Variants in DPP6 observed in about 807,000 individuals in gnomAD.
DPP6 encodes dipeptidyl peptidase like 6, also known as A-type potassium channel modulatory protein DPP6.
DPP6 carries 69 observed loss-of-function variants against 122.6 expected under a neutral mutation model. That is an observed-to-expected ratio of 0.56 (90% CI 0.46 to 0.69). The LOEUF (loss-of-function observed/expected upper bound fraction) is 0.69. DPP6 is among the 30% of genes least tolerant of loss of function. The probability of loss-of-function intolerance (pLI) is 0.00; values close to 1 mark genes in which losing one functional copy is unlikely to be tolerated. For missense variants in DPP6, 928 were observed against 1,116.9 expected (o/e 0.83, Z 2.41); for synonymous variants, 418 against 433.1 (o/e 0.97, Z 0.43).
At chr7:154,674,796 C>T (rs780388187) in intron 7 of DPP6, among the ~76,000 whole-genome samples, 15 of 152,094 alleles carry the variant, frequency 9.9e-5, no homozygotes, top group Non-Finnish European at 1.6e-4. Context: ...GATAGCGTTC[C>T]CCAAAGGAGC....
chr7:154,325,757 A>G (rs1808392853), intron 1 of DPP6, among the ~76,000 whole-genome samples: 1 of 152,238 alleles, frequency 6.6e-6, no homozygotes, highest in Non-Finnish European at 1.5e-5. Context: ...CATATGATTA[A>G]TAATCAGAGG....
intron 3 of DPP6, among the ~76,000 whole-genome samples, chr7:154,511,418 T>C (rs995377194): frequency 6.6e-6 from 1 of 152,176 alleles, no homozygotes; most frequent in African/African-American, 2.4e-5. Context: ...GCCCACGCCA[T>C]GTGTTTGAGA....
chr7:154,466,002 T>C (rs1821748638), intron 2 of DPP6, among the ~76,000 whole-genome samples: 1 of 152,190 alleles, frequency 6.6e-6, no homozygotes, highest in African/African-American at 2.4e-5. Flanking sequence ...GTGGCACATA[T>C]ATACCATGGA....
At chr7:153,759,432 C>T in the DPP6 span, among the ~76,000 whole-genome samples, 586 of 152,074 alleles carry the variant, frequency 3.9e-3, 4 homozygotes, top group African/African-American at 0.013. Context: ...GATCCTGAAA[C>T]TGCCTCAGCC....
At position 154,021,506 on chromosome 7, in the gene DPP6, C is replaced by A. The variant is rs1243308713; in HGVS notation, c.51+133772C>A. Among the ~76,000 whole-genome samples the A allele has an allele frequency of 2.6e-5, 4 of 152,154 alleles. No homozygotes were observed. In the East Asian group the frequency reaches 7.7e-4, roughly 29 times the overall value. ...GTAAGAGACCTGGCACTTCCAGAAT[C>A]CTTTCCAGCCTACAACCATTTTCAC... On this transcript the variant is annotated intron_variant, in intron 1 of 25. Transcript: ENST00000404039.
intron 16 of DPP6, among the ~76,000 whole-genome samples, chr7:154,814,354 T>C (rs1332618878): frequency 1.3e-5 from 2 of 152,118 alleles, no homozygotes; most frequent in African/African-American, 4.8e-5. Context: ...CCCTATACAT[T>C]CTCCAAGACT....
intron 1 of DPP6, among the ~76,000 whole-genome samples, chr7:154,265,713 T>C (rs1803376327): frequency 6.6e-6 from 1 of 152,168 alleles, no homozygotes; most frequent in Non-Finnish European, 1.5e-5. Context: ...TAGAGGGAGA[T>C]GAGGAAAAGA....
intron 6 of DPP6, among the ~76,000 whole-genome samples, chr7:154,644,706 CTTT>C (rs5888584): frequency 1.1e-3 from 147 of 129,928 alleles, no homozygotes; most frequent in African/African-American, 2.5e-3. Flanking sequence ...CTTAAAATGG[CTTT>C]TTTTTTTTTT....
At chr7:154,014,486 C>T (rs1015479188) in intron 1 of DPP6, among the ~76,000 whole-genome samples, 1 of 150,980 alleles carries the variant, frequency 6.6e-6, no homozygotes, top group African/African-American at 2.4e-5. Context: ...GAAACCCCAG[C>T]TCTACTAAAA....
intron 1 of DPP6, among the ~76,000 whole-genome samples, chr7:154,252,780 C>T (rs1802431403): frequency 6.6e-6 from 1 of 152,228 alleles, no homozygotes; most frequent in Admixed American, 6.5e-5. Flanking sequence ...GCCAATTTCA[C>T]TGCCCCATGG....
chr7:154,254,071 C>T (rs570115095), intron 1 of DPP6, among the ~76,000 whole-genome samples: 16 of 152,338 alleles, frequency 1.1e-4, no homozygotes, highest in African/African-American at 3.4e-4. Context: ...CCTCTTCTAA[C>T]GCATAGGGAT....
chr7:154,060,265 C>T (rs1398384256), intron 1 of DPP6, among the ~76,000 whole-genome samples: 10 of 130,494 alleles, frequency 7.7e-5, no homozygotes, highest in African/African-American at 1.8e-4. Flanking sequence ...AGGCACCCCC[C>T]GCGAGGCAGG....
At chr7:153,863,197 A>G in the DPP6 span, among the ~76,000 whole-genome samples, 16 of 152,196 alleles carry the variant, frequency 1.1e-4, no homozygotes, top group Non-Finnish European at 1.5e-5. Flanking sequence ...AGCAAAACAT[A>G]AAAACCTTGT....
At chr7:154,239,894 A>G (rs1415967927) in intron 1 of DPP6, among the ~76,000 whole-genome samples, 2 of 150,168 alleles carry the variant, frequency 1.3e-5, no homozygotes, top group African/African-American at 4.9e-5. Context: ...GAGGTGGCTG[A>G]GGCAGGAGAA....
At chr7:154,599,790 G>A (rs1833325986) in intron 5 of DPP6, among the ~76,000 whole-genome samples, 1 of 151,698 alleles carries the variant, frequency 6.6e-6, no homozygotes, top group African/African-American at 2.4e-5. Flanking sequence ...CTGTTCTTGC[G>A]ATAGTTTGCT....
chr7:154,288,036 C>T (rs1199284100), intron 1 of DPP6, among the ~76,000 whole-genome samples: 6 of 152,172 alleles, frequency 3.9e-5, no homozygotes, highest in East Asian at 1.9e-4. Context: ...GTCCCCCTAC[C>T]GAGGGGTGCC....
chr7:154,827,556 CAG>C (rs1009833463), intron 16 of DPP6, among the ~76,000 whole-genome samples: 275 of 152,062 alleles, frequency 1.8e-3, no homozygotes, highest in African/African-American at 6.0e-3. Flanking sequence ...CGTGGGAAAT[CAG>C]AGCCTAAGAG....
chr7:154,116,433 A>G (rs1264897258), intron 1 of DPP6, among the ~76,000 whole-genome samples: 4 of 152,228 alleles, frequency 2.6e-5, no homozygotes, highest in African/African-American at 7.2e-5. Context: ...TTACTGCACA[A>G]TGGCTTTTAC....
intron 5 of DPP6, among the ~76,000 whole-genome samples, chr7:154,581,693 C>T (rs930934526): frequency 9.9e-5 from 15 of 152,234 alleles, no homozygotes; most frequent in Admixed American, 3.3e-4. Context: ...ATGTCTAATG[C>T]AGCAAAGAAA....
Sources: allele counts gnomAD v4.1 joint callset (sites outside exome capture counted in the v4.1 genomes callset), GRCh38; gene constraint gnomAD v4.1.1; transcripts MANE v1.5; gene names NCBI Gene and HGNC (gene_info 2026-07-23, HGNC 2026-07-21).